The following ANK2 variants were observed in gnomAD, a reference collection of about 807,000 sequenced individuals.
ANK2 encodes the protein ankyrin-2.
Under a neutral mutation model 360.5 loss-of-function variants are expected in ANK2, and 83 were observed. The ratio of observed to expected loss-of-function variants is 0.23; its 90% CI spans 0.19 to 0.28. The LOEUF (loss-of-function observed/expected upper bound fraction) is 0.28, where lower values mean the gene tolerates loss of function less well. Among genes scored for constraint, ANK2 ranks in the 10% least tolerant of loss-of-function variants. ANK2 has a pLI of 1.00. For missense variants in ANK2, 4,201 were observed against 4,795.7 expected, an observed-to-expected ratio of 0.88 and a Z score of 3.66; for synonymous variants, 1,740 against 1,759.5, an observed-to-expected ratio of 0.99 and a Z score of 0.28.
chr4:113,018,235 T>C (rs2057158557), intron 2 of ANK2, among the ~76,000 whole-genome samples: 1 of 152,236 alleles, frequency 6.6e-6, no homozygotes, highest in Non-Finnish European at 1.5e-5. Flanking sequence ...GAAGTCATTT[T>C]ACAAATAGTG....
chr4:113,365,235 T>C, intron 41 of ANK2, 53 bp downstream of exon 41: 1 of 1,523,088 alleles, frequency 6.6e-7, no homozygotes, highest in Non-Finnish European at 9.0e-7. Flanking sequence ...GTGTGTGTTG[T>C]GTCTGTGTGT....
chr4:113,308,316 G>A (rs2078224247), intron 23 of ANK2, among the ~76,000 whole-genome samples: 1 of 152,182 alleles, frequency 6.6e-6, no homozygotes, highest in Non-Finnish European at 1.5e-5. Context: ...CAAGGGGAGA[G>A]GTAAAGAAGA....
At chr4:113,116,029 A>G (rs573979887) in intron 1 of ANK2, among the ~76,000 whole-genome samples, 1 of 152,270 alleles carries the variant, frequency 6.6e-6, no homozygotes, top group African/African-American at 2.4e-5. Context: ...TTGGCATCCT[A>G]TTAGACCTCG....
intron 2 of ANK2, among the ~76,000 whole-genome samples, chr4:113,031,634 T>C (rs2060433092): frequency 6.7e-6 from 1 of 148,892 alleles, no homozygotes; most frequent in Non-Finnish European, 1.5e-5. Flanking sequence ...GATGAAACCT[T>C]AAGTAGACCA....
the ANK2 span, among the ~76,000 whole-genome samples, chr4:112,723,653 C>T: frequency 3.3e-5 from 5 of 152,104 alleles, no homozygotes; most frequent in Admixed American, 6.6e-5. Flanking sequence ...CACGAGCCAC[C>T]GCCCCCGGCA....
chr4:112,833,763 A>G (rs899481059), intron 1 of ANK2, among the ~76,000 whole-genome samples: 1 of 152,186 alleles, frequency 6.6e-6, no homozygotes. Flanking sequence ...TCGGCCTTCC[A>G]AAGTGCTGGG....
Position 113,356,150 on chromosome 4 carries a change from G to A in ANK2, c.7532G>A (p.Arg2511Gln), listed in dbSNP as rs142684331. ...EVASVRSRLLRDPDGSAEDDS... is the reference protein window; with the variant it reads ...EVASVRSRLLQDPDGSAEDDS... ...GCCTCTGTGCGGTCCCGGCTACTCC[G>A]AGACCCTGATGGCAGTGCTGAGGAT... is the stretch of plus-strand genomic sequence containing the variant. Residue 2511 changes from arginine to glutamine, a missense_variant, in exon 38 of 46, where the codon CGA (arginine) becomes CAA (glutamine). Transcript: ENST00000357077. 1.1e-5 allele frequency: 17 copies of A among 1,613,932 alleles called. No homozygotes were observed. Among genetic ancestry groups the A allele is most frequent in the Admixed American group, 1.7e-5 (1 of 59,974 alleles).
At chr4:112,956,554 G>A (rs947037290) in intron 2 of ANK2, among the ~76,000 whole-genome samples, 12 of 152,178 alleles carry the variant, frequency 7.9e-5, no homozygotes, top group Admixed American at 7.2e-4. Flanking sequence ...ACTAGTGGGC[G>A]GGCAGCATAG....
At chr4:113,031,648 G>GT (rs531603383) in intron 2 of ANK2, among the ~76,000 whole-genome samples, 149 of 151,596 alleles carry the variant, frequency 9.8e-4, no homozygotes, top group African/African-American at 3.4e-3. Flanking sequence ...TAGACCAGTG[G>GT]TTTGTTCTTT....
intron 1 of ANK2, among the ~76,000 whole-genome samples, chr4:112,861,784 ATTC>A (rs1397786841): frequency 2.0e-5 from 3 of 151,952 alleles, no homozygotes; most frequent in East Asian, 1.9e-4. Flanking sequence ...AATTGCACTA[ATTC>A]TTCTTTGTTG....
intron 1 of ANK2, among the ~76,000 whole-genome samples, chr4:113,169,020 A>G (rs916895209): frequency 6.6e-6 from 1 of 152,156 alleles, no homozygotes; most frequent in Non-Finnish European, 1.5e-5. Flanking sequence ...TGCTGGCAAC[A>G]CAGTAACGCC....
chr4:112,843,630 T>A (rs1218529606), intron 1 of ANK2, among the ~76,000 whole-genome samples: 1 of 152,144 alleles, frequency 6.6e-6, no homozygotes, highest in Non-Finnish European at 1.5e-5. Flanking sequence ...TGGGAAAAAA[T>A]GCAATTTTTC....
chr4:112,807,012 G>T, the ANK2 span, among the ~76,000 whole-genome samples: 128 of 152,274 alleles, frequency 8.4e-4, no homozygotes, highest in African/African-American at 3.0e-3. Flanking sequence ...TCTGGGCCTT[G>T]GGTGGCCCAT....
Position 113,292,426 on chromosome 4 carries a change from C to T in ANK2, c.2288C>T (p.Thr763Met), listed in dbSNP as rs1279672563. ...CACTGTCCTCCACAGAACGGCTACACGCCTTTGCACCAGGCCGCTCAGCAG... is the reference window on the plus strand; with the variant it reads ...CACTGTCCTCCACAGAACGGCTACATGCCTTTGCACCAGGCCGCTCAGCAG... Reference protein sequence around the residue: ...NVNAKTKNGYTPLHQAAQQGH... With the variant: ...NVNAKTKNGYMPLHQAAQQGH... The change falls in exon 21 of 46, where the codon ACG becomes ATG. Residue 763 changes from threonine (T) to methionine (M), a missense_variant. This residue lies in a region of ANK2 where 1,268 missense variants were observed against 1,650.8 expected (regional missense o/e 0.77). Transcript: ENST00000357077. 1 of 1,609,772 alleles carries T rather than the reference C, an allele frequency of 6.2e-7. No homozygotes were observed. Among genetic ancestry groups the T allele is most frequent in the Non-Finnish European group, 8.5e-7 (1 of 1,178,076 alleles).
chr4:112,911,758 A>G (rs1051653689), intron 2 of ANK2, among the ~76,000 whole-genome samples: 1 of 152,250 alleles, frequency 6.6e-6, no homozygotes, highest in Non-Finnish European at 1.5e-5. Context: ...AAAGCTATCT[A>G]CATCAGATAT....
intron 30 of ANK2, 111 bp downstream of exon 30, chr4:113,336,168 G>T: frequency 8.8e-7 from 1 of 1,136,796 alleles, no homozygotes; most frequent in South Asian, 1.4e-5. Flanking sequence ...AAAAAGGAAG[G>T]TAGCATTAAT....
chr4:113,191,580 C>A (rs550260631), intron 2 of ANK2, among the ~76,000 whole-genome samples: 1 of 152,356 alleles, frequency 6.6e-6, no homozygotes, highest in Non-Finnish European at 1.5e-5. Context: ...CAATTCATCT[C>A]ATCACATTTA....
intron 1 of ANK2, among the ~76,000 whole-genome samples, chr4:112,860,307 A>C (rs1579902336): frequency 6.6e-6 from 1 of 151,828 alleles, no homozygotes; most frequent in Non-Finnish European, 1.5e-5. Context: ...GCTCACTGCA[A>C]CCTCCGCCTC....
Position 112,836,544 on chromosome 4 carries a change from A to G in ANK2, c.-40+18280A>G, listed in dbSNP as rs570363020. ...GATGAAGGAAAGTTTGGAACTTCCT[A>G]GAGACTTGTTGAATGGTTTTGACCA... On this transcript the variant is annotated intron_variant, in intron 1 of 30. Transcript: ENST00000503271. 3.9e-4 allele frequency among the ~76,000 whole-genome samples: 59 copies of G among 152,316 alleles called. 2 individuals are homozygous for G. The South Asian group carries it at 0.012, about 32-fold the overall frequency.
Sources: gnomAD v4.1 joint callset for allele counts (sites outside exome capture counted in the v4.1 genomes callset) on GRCh38, gnomAD v4.1.1 for gene constraint, gnomAD v4.1.1 regional missense constraint, MANE v1.5 for transcripts, NCBI Gene and HGNC (gene_info 2026-07-23, HGNC 2026-07-21) for gene names.